Variants in UMODL1 observed in about 807,000 individuals in gnomAD.
The protein encoded by UMODL1 is uromodulin like 1, also known as uromodulin-like 1.
In UMODL1, 128 loss-of-function variants were observed where a neutral mutation model predicts 136.3. The observed-to-expected ratio is 0.94, with a 90% CI of 0.81 to 1.09. UMODL1 has a LOEUF of 1.09. Ranked by LOEUF, UMODL1 falls within the 50% of genes least tolerant of loss-of-function variation. The probability of loss-of-function intolerance (pLI) is 0.00; values close to 1 mark genes in which losing one functional copy is unlikely to be tolerated. For synonymous variants in UMODL1, 721 were observed against 720.0 expected, an observed-to-expected ratio of 1.00 and a Z score of -0.02; for missense variants, 1,766 against 1,725.6, an observed-to-expected ratio of 1.02 and a Z score of -0.41.
At chr21:42,140,764 T>C (rs937905131) in intron 22 of UMODL1, among the ~76,000 whole-genome samples, 11 of 152,200 alleles carry the variant, frequency 7.2e-5, no homozygotes, top group African/African-American at 2.4e-4. Flanking sequence ...AGGCAGGTGC[T>C]GCTGCTCAAT....
intron 6 of UMODL1, among the ~76,000 whole-genome samples, chr21:42,091,100 A>C (rs1287598666): frequency 6.6e-6 from 1 of 152,196 alleles, no homozygotes; most frequent in Non-Finnish European, 1.5e-5. Flanking sequence ...GCCATTATTG[A>C]TCTCCTAGTG....
chr21:42,142,945 A>G lies in UMODL1; in HGVS notation c.*871A>G, dbSNP rs1465955353. ...TTTCTCCATTACATCATCCTAAGAG[A>G]TAATGCTCTGTACTTCATTTGAAAT... is the stretch of plus-strand genomic sequence containing the variant. On this transcript the variant is annotated 3_prime_UTR_variant, in exon 23 of 23. Coordinates refer to ENST00000408910, the MANE Select transcript of UMODL1 (RefSeq NM_001004416.3). 1 of 152,240 alleles carries G rather than the reference A, an allele frequency of 6.6e-6. No homozygotes were observed. The highest frequency in any genetic ancestry group is 1.5e-5 in the Non-Finnish European group (1 of 68,036). The allele number at this position is 152,240 out of a possible 1,614,324, so 9.4% of individuals were successfully genotyped here.
At position 42,076,256 on chromosome 21, in the gene UMODL1, A is replaced by G; in HGVS notation, c.319+9A>G. 1.9e-6 allele frequency: 3 copies of G among 1,613,444 alleles called. No individual in the cohort carries two copies. The highest frequency in any genetic ancestry group is 3.3e-4 in the Middle Eastern group (2 of 6,060). ...CCTCTACTGTGTCTTGCGTGAGTCC[A>G]GGGCTGCTGGGCTGGGGCGGGGCCA... On this transcript the variant is annotated intron_variant, in intron 2 of 22. Coordinates refer to ENST00000408910, the MANE Select transcript of UMODL1 (RefSeq NM_001004416.3).
Position 42,099,205 on chromosome 21 carries a change from C to T in UMODL1, c.1186+25C>T, listed in dbSNP as rs761207273. The T allele has an allele frequency of 1.6e-5, 26 of 1,602,584 alleles. No homozygotes were observed. The highest frequency in any genetic ancestry group is 6.7e-5 in the Admixed American group (4 of 59,542). Reference sequence around the variant, plus strand: ...AGTAAGGCCCCCAGTCAGAGACCCACGTTAGCTTGCGAGCTTGTCTTTCTA... The same window carrying T: ...AGTAAGGCCCCCAGTCAGAGACCCATGTTAGCTTGCGAGCTTGTCTTTCTA... On this transcript the variant is annotated intron_variant, in intron 7 of 22. Coordinates refer to ENST00000408910, the MANE Select transcript of UMODL1 (RefSeq NM_001004416.3). This position sits in a 1 kb window ranked among gnomAD's most constrained non-coding sequence, Gnocchi z 4.1.
intron 2 of UMODL1, among the ~76,000 whole-genome samples, 168 bp downstream of exon 2, chr21:42,076,415 A>T (rs1350601163): frequency 6.6e-6 from 1 of 152,004 alleles, no homozygotes; most frequent in African/African-American, 2.4e-5. Context: ...CCCTGGCCCC[A>T]CTCCTAGGTT....
intron 21 of UMODL1, among the ~76,000 whole-genome samples, chr21:42,130,974 C>T (rs76365744): frequency 6.6e-6 from 1 of 152,184 alleles, no homozygotes; most frequent in South Asian, 2.1e-4. Flanking sequence ...CCGCCACGCC[C>T]GGCTAATTTT....
At position 42,075,355 on chromosome 21, in the gene UMODL1, G is replaced by A. The variant is rs148373119; in HGVS notation, c.77-650G>A. 4.6e-5 allele frequency among the ~76,000 whole-genome samples: 7 copies of A among 152,250 alleles called. No individual in the cohort carries two copies. In the East Asian group the frequency reaches 9.6e-4, roughly 21 times the overall value. The stretch of plus-strand genomic sequence containing the variant: ...ATTACAGGTGTGAGCCACCACGCCC[G>A]GCCTGAGCTGGTCTTTTATCATCAA... On this transcript the variant is annotated intron_variant, in intron 1 of 22. Transcript: ENST00000408910.
intron 14 of UMODL1, among the ~76,000 whole-genome samples, chr21:42,117,966 C>T (rs190429357): frequency 6.6e-6 from 1 of 152,096 alleles, no homozygotes; most frequent in African/African-American, 2.4e-5. Context: ...AATTTCAGGA[C>T]AGCAAATAAT....
At chr21:42,070,048 A>G (rs914257285), upstream of UMODL1, among the ~76,000 whole-genome samples, 6 of 152,128 alleles carry the variant, frequency 3.9e-5, no homozygotes, top group Non-Finnish European at 7.4e-5. Flanking sequence ...TATTCTTGTC[A>G]TGGCATCTGA....
At chr21:42,132,374 A>G (rs1255359524) in intron 21 of UMODL1, among the ~76,000 whole-genome samples, 8 of 151,240 alleles carry the variant, frequency 5.3e-5, no homozygotes, top group South Asian at 2.1e-4. Context: ...TCATCCATCT[A>G]TCAACCATCC....
chr21:42,065,072 G>A (rs1335297821), intron 1 of UMODL1, among the ~76,000 whole-genome samples: 1 of 152,160 alleles, frequency 6.6e-6, no homozygotes, highest in Non-Finnish European at 1.5e-5. Context: ...CGAGGTAGAG[G>A]CAACTCACTG....
At chr21:42,088,510 G>A (rs746113209) in intron 5 of UMODL1, 30 bp downstream of exon 5, 2 of 1,571,950 alleles carry the variant, frequency 1.3e-6, no homozygotes, top group African/African-American at 2.7e-5. Flanking sequence ...TCCCTCTGGG[G>A]AGGCTGCAGG....
rs1569144665 is a variant in UMODL1, at chr21:42,084,120, G to A, written c.356G>A (p.Gly119Glu). Residue 119 changes from glycine (G) to glutamate (E), a missense_variant, in exon 3 of 23, where the codon GGG (glycine) becomes GAG (glutamate). By Grantham distance (98) the Gly-to-Glu change is moderately conservative. Coordinates refer to ENST00000408910, the MANE Select transcript of UMODL1 (RefSeq NM_001004416.3). The stretch of plus-strand genomic sequence containing the variant: ...TCCGGGCAGTTCACGTCAAGACCTG[G>A]GGCCTGCCCCGCAGAGGGGCCTGAA... Reference protein sequence around the residue: ...NQSGQFTSRPGACPAEGPEPS... With the variant: ...NQSGQFTSRPEACPAEGPEPS... 12 of 1,614,002 alleles carry A rather than the reference G, an allele frequency of 7.4e-6. No individual in the cohort carries two copies. In the East Asian group the frequency reaches 2.7e-4, roughly 36 times the overall value.
intron 2 of UMODL1, among the ~76,000 whole-genome samples, chr21:42,079,934 G>A (rs570724236): frequency 1.3e-5 from 2 of 152,328 alleles, no homozygotes; most frequent in East Asian, 1.9e-4. Flanking sequence ...CTGAGGACAC[G>A]GAGTTCTTTC....
intron 4 of UMODL1, among the ~76,000 whole-genome samples, chr21:42,086,959 CT>C (rs67187442): frequency 0.24 from 36,077 of 152,120 alleles, 4,419 homozygotes; most frequent in East Asian, 0.36. Context: ...GAGCGAGACT[CT>C]TGTCTCTAAA....
Position 42,085,431 on chromosome 21 carries a change from G to A in UMODL1, c.603+19G>A. 6.2e-7 allele frequency: 1 copy of A among 1,613,492 alleles called. No homozygotes were observed. The highest frequency in any genetic ancestry group is 1.1e-5 in the South Asian group (1 of 91,070). On this transcript the variant is annotated intron_variant, in intron 4 of 22. Coordinates refer to ENST00000408910, the MANE Select transcript of UMODL1 (RefSeq NM_001004416.3). This position sits in a 1 kb window ranked among gnomAD's most constrained non-coding sequence, Gnocchi z 4.5. ...TTCCTTGGTAGGTGAGACAGACGGG[G>A]GCTGCCTGCACCCTCCTTGTGGCAG...
chr21:42,121,662 C>T (rs1449473728), intron 16 of UMODL1, among the ~76,000 whole-genome samples: 1 of 152,224 alleles, frequency 6.6e-6, no homozygotes, highest in African/African-American at 2.4e-5. Flanking sequence ...GGATTTAACA[C>T]TGACCCCACG....
At position 42,141,830 on chromosome 21, in the gene UMODL1, G is replaced by A. The variant is rs1281721056; in HGVS notation, c.*22-266G>A. 1.2e-4 allele frequency among the ~76,000 whole-genome samples: 18 copies of A among 152,166 alleles called. No homozygotes were observed. The South Asian group carries it at 3.3e-3, about 28-fold the overall frequency. On this transcript the variant is annotated intron_variant, in intron 22 of 22. Transcript: ENST00000408910. ...CCCCAGCTGTGCTCGTCTGGCTCAG[G>A]TATCTTCACCAGCCACCCCCACCAG...
At chr21:42,070,074 C>T (rs2066216446), upstream of UMODL1, among the ~76,000 whole-genome samples, 1 of 152,100 alleles carries the variant, frequency 6.6e-6, no homozygotes, top group Admixed American at 6.6e-5. Context: ...AGTCATTAGC[C>T]AAGCAAATGC....
Sources: gnomAD v4.1 joint callset for allele counts (sites outside exome capture counted in the v4.1 genomes callset) on GRCh38, gnomAD v4.1.1 for gene constraint, Gnocchi (gnomAD v3.1) non-coding constraint, MANE v1.5 for transcripts, NCBI Gene and HGNC (gene_info 2026-07-23, HGNC 2026-07-21) for gene names.